The following NRXN1 variants were observed in gnomAD, a reference collection of about 807,000 sequenced individuals.
NRXN1 encodes neurexin 1, also known as neurexin-1.
NRXN1 carries 39 observed loss-of-function variants against 150.9 expected under a neutral mutation model. That is an observed-to-expected ratio of 0.26 (90% CI 0.20 to 0.34). NRXN1 has a LOEUF of 0.34. Among genes scored for constraint, NRXN1 ranks in the 10% least tolerant of loss-of-function variants. NRXN1 has a pLI of 1.00. For synonymous variants in NRXN1, 924 were observed against 757.0 expected (o/e 1.22, Z -3.62); for missense variants, 1,815 against 1,949.9 (o/e 0.93, Z 1.30).
At chr2:50,578,456 T>G (rs1273163416) in intron 8 of NRXN1, among the ~76,000 whole-genome samples, 2 of 152,152 alleles carry the variant, frequency 1.3e-5, no homozygotes, top group Non-Finnish European at 2.9e-5. Context: ...TAATAAATAG[T>G]GCAGAGAGAT....
intron 17 of NRXN1, among the ~76,000 whole-genome samples, chr2:50,324,711 G>T (rs1553445404): frequency 6.6e-6 from 1 of 152,090 alleles, no homozygotes; most frequent in Non-Finnish European, 1.5e-5. Flanking sequence ...CCGGCTAAGT[G>T]TGTAAGTCAT....
chr2:50,466,819 T>C (rs2104658089), intron 16 of NRXN1, among the ~76,000 whole-genome samples: 1 of 151,962 alleles, frequency 6.6e-6, no homozygotes, highest in East Asian at 1.9e-4. Flanking sequence ...AAAGTGACTG[T>C]GTTGCTTATT....
intron 2 of NRXN1, among the ~76,000 whole-genome samples, chr2:50,957,063 G>A (rs1430425599): frequency 1.3e-5 from 2 of 152,158 alleles, no homozygotes; most frequent in Admixed American, 6.5e-5. Flanking sequence ...TAGCTAAAAT[G>A]TTCTCTATGC....
intron 18 of NRXN1, among the ~76,000 whole-genome samples, chr2:50,112,855 T>C (rs1344329431): frequency 2.0e-5 from 3 of 152,186 alleles, no homozygotes; most frequent in South Asian, 2.1e-4. Flanking sequence ...AATCTATTAA[T>C]ATATTAATTA....
At chr2:50,509,697 A>C (rs1426818090) in intron 12 of NRXN1, among the ~76,000 whole-genome samples, 1 of 152,342 alleles carries the variant, frequency 6.6e-6, no homozygotes, top group South Asian at 2.1e-4. Context: ...TGGCAAAATT[A>C]TAGTAACTTC....
chr2:50,219,933 ATATT>A (rs370736584), intron 18 of NRXN1, among the ~76,000 whole-genome samples: 7 of 96,718 alleles, frequency 7.2e-5, no homozygotes, highest in African/African-American at 2.5e-4. Context: ...TATATTATAT[ATATT>A]ATATATTATA....
chr2:50,674,991 C>T (rs187997037), intron 5 of NRXN1, among the ~76,000 whole-genome samples: 1 of 151,788 alleles, frequency 6.6e-6, no homozygotes, highest in East Asian at 2.0e-4. Flanking sequence ...GATGATCCCT[C>T]AGAAATGGCT....
chr2:50,948,574 C>T (rs971304257), intron 2 of NRXN1, among the ~76,000 whole-genome samples: 1 of 151,978 alleles, frequency 6.6e-6, no homozygotes, highest in South Asian at 2.1e-4. Context: ...CATTTCATTG[C>T]TTTAGAACTC....
intron 18 of NRXN1, among the ~76,000 whole-genome samples, chr2:50,163,426 A>C (rs930638730): frequency 5.3e-5 from 8 of 152,122 alleles, no homozygotes; most frequent in Non-Finnish European, 8.8e-5. Flanking sequence ...GTAAGAGTAG[A>C]GGGAAAACAG....
chr2:50,936,983 A>G (rs1301850118), intron 2 of NRXN1, among the ~76,000 whole-genome samples: 2 of 152,152 alleles, frequency 1.3e-5, no homozygotes, highest in Admixed American at 6.6e-5. Flanking sequence ...TTCATCTTGA[A>G]GAAGAAATTG....
At chr2:50,306,769 T>A (rs918385465) in intron 17 of NRXN1, among the ~76,000 whole-genome samples, 1 of 152,208 alleles carries the variant, frequency 6.6e-6, no homozygotes, top group Admixed American at 6.5e-5. Flanking sequence ...TTGAGTGTAA[T>A]CAAAATTCCA....
chr2:50,559,764 C>T (rs1329829453), intron 8 of NRXN1, among the ~76,000 whole-genome samples: 1 of 151,938 alleles, frequency 6.6e-6, no homozygotes, highest in Non-Finnish European at 1.5e-5. Context: ...ATAATACATA[C>T]CTATGTATGT....
intron 5 of NRXN1, among the ~76,000 whole-genome samples, chr2:50,875,001 G>A (rs116051985): frequency 0.046 from 6,958 of 151,782 alleles, 213 homozygotes; most frequent in Admixed American, 0.074. Flanking sequence ...ACACAAAAGT[G>A]GTGTTATATG....
chr2:50,598,132 C>A (rs1218457612), intron 8 of NRXN1, among the ~76,000 whole-genome samples: 2 of 150,970 alleles, frequency 1.3e-5, no homozygotes, highest in African/African-American at 4.9e-5. Flanking sequence ...GGCAAAACTG[C>A]GTCTCAAAGA....
rs60581668 is a variant in NRXN1, at chr2:50,591,267, G to GAA, written c.1320+28753_1320+28754dup. Among the ~76,000 whole-genome samples the GAA allele has an allele frequency of 9.3e-3, 1,360 of 146,402 alleles. 15 individuals carry two copies. Among genetic ancestry groups the GAA allele is most frequent in the South Asian group, 0.019 (89 of 4,620 alleles). On this transcript the variant is annotated intron_variant, in intron 8 of 22. Coordinates refer to ENST00000401669, the MANE Select transcript of NRXN1 (RefSeq NM_001330078.2). Reference sequence around the variant, plus strand: ...TAAAATGTCTGATGACTCGACAAAGGAAAAAAAAAAATAGATACCTAACAT... The same window carrying GAA: ...TAAAATGTCTGATGACTCGACAAAGGAAAAAAAAAAAAATAGATACCTAACAT...
intron 2 of NRXN1, among the ~76,000 whole-genome samples, chr2:50,953,297 G>T (rs945858354): frequency 3.3e-5 from 5 of 152,108 alleles, no homozygotes; most frequent in Admixed American, 6.5e-5. Flanking sequence ...ACCTAATGAG[G>T]TTGTTACAAC....
At chr2:50,470,508 C>T (rs113356558) in intron 16 of NRXN1, among the ~76,000 whole-genome samples, 20 of 151,630 alleles carry the variant, frequency 1.3e-4, no homozygotes, top group African/African-American at 4.8e-4. Flanking sequence ...ACATGCTGCA[C>T]AGAGGAAAAA....
intron 21 of NRXN1, among the ~76,000 whole-genome samples, chr2:50,039,628 G>C (rs2152575602): frequency 6.6e-6 from 1 of 152,290 alleles, no homozygotes; most frequent in East Asian, 1.9e-4. Context: ...CTGACAAGCA[G>C]TCCAGACTGG....
intron 17 of NRXN1, among the ~76,000 whole-genome samples, chr2:50,386,710 A>C (rs1035827003): frequency 6.6e-6 from 1 of 152,172 alleles, no homozygotes; most frequent in South Asian, 2.1e-4. Flanking sequence ...CAGTTATTGC[A>C]TCCTGTGGAG....
Sources: allele counts gnomAD v4.1 joint callset (sites outside exome capture counted in the v4.1 genomes callset), GRCh38; gene constraint gnomAD v4.1.1; transcripts MANE v1.5; gene names NCBI Gene and HGNC (gene_info 2026-07-23, HGNC 2026-07-21).